The following GPC5 variants were observed in gnomAD, a reference collection of about 807,000 sequenced individuals.
GPC5 encodes the protein glypican-5.
Under a neutral mutation model 53.9 loss-of-function variants are expected in GPC5, and 47 were observed. The observed-to-expected ratio is 0.87, with a 90% CI of 0.69 to 1.11. The LOEUF (loss-of-function observed/expected upper bound fraction) is 1.11. Among genes scored for constraint, GPC5 ranks in the 50% most tolerant of loss-of-function variants. GPC5 has a pLI of 0.00. For missense variants in GPC5, 748 were observed against 713.1 expected, an observed-to-expected ratio of 1.05 and a Z score of -0.56; for synonymous variants, 286 against 263.3, an observed-to-expected ratio of 1.09 and a Z score of -0.84.
At chr13:92,565,506 A>G (rs1443612592) in intron 7 of GPC5, among the ~76,000 whole-genome samples, 3 of 152,062 alleles carry the variant, frequency 2.0e-5, no homozygotes, top group Non-Finnish European at 4.4e-5. Flanking sequence ...TTTCACTGCT[A>G]CAAAGTGTTG....
intron 6 of GPC5, among the ~76,000 whole-genome samples, chr13:91,976,238 G>A (rs556863939): frequency 3.9e-4 from 60 of 152,164 alleles, no homozygotes; most frequent in African/African-American, 1.2e-3. Context: ...TAACCTGCAC[G>A]TTGTGCACAT....
intron 7 of GPC5, among the ~76,000 whole-genome samples, chr13:92,632,483 T>TAC (rs1375505195): frequency 7.5e-6 from 1 of 133,178 alleles, no homozygotes; most frequent in African/African-American, 2.8e-5. Flanking sequence ...TATATATATA[T>TAC]ATACACATAT....
chr13:91,790,927 C>T (rs1194582236), intron 5 of GPC5, among the ~76,000 whole-genome samples: 4 of 152,104 alleles, frequency 2.6e-5, no homozygotes, highest in Non-Finnish European at 5.9e-5. Flanking sequence ...TGTTTCTCCT[C>T]ATCTTTTGGT....
intron 6 of GPC5, among the ~76,000 whole-genome samples, chr13:91,924,674 G>A (rs1366784834): frequency 2.0e-5 from 3 of 152,152 alleles, no homozygotes; most frequent in Non-Finnish European, 4.4e-5. Context: ...CTGGGAGGTT[G>A]AGGTTGTGGT....
intron 7 of GPC5, among the ~76,000 whole-genome samples, chr13:92,863,080 T>A (rs1879232694): frequency 6.6e-6 from 1 of 152,180 alleles, no homozygotes; most frequent in Non-Finnish European, 1.5e-5. Flanking sequence ...TAGCACCTAC[T>A]CAGCCATTCC....
intron 7 of GPC5, among the ~76,000 whole-genome samples, chr13:92,819,060 G>C (rs1877586063): frequency 1.3e-5 from 2 of 151,870 alleles, no homozygotes; most frequent in South Asian, 4.1e-4. Context: ...TGTTTTAAGG[G>C]TATGTTTCTT....
intron 7 of GPC5, among the ~76,000 whole-genome samples, chr13:92,358,069 G>A (rs185397240): frequency 7.2e-5 from 11 of 151,790 alleles, no homozygotes; most frequent in African/African-American, 2.4e-4. Context: ...CTGTGAGCCT[G>A]TAAAATCAAA....
At chr13:92,676,857 C>T (rs1311658579) in intron 7 of GPC5, among the ~76,000 whole-genome samples, 3 of 151,836 alleles carry the variant, frequency 2.0e-5, no homozygotes, top group Non-Finnish European at 4.4e-5. Context: ...TAATTGAGAC[C>T]AGTTGTTTGA....
intron 5 of GPC5, among the ~76,000 whole-genome samples, chr13:91,765,992 CATAA>C (rs1307625478): frequency 2.0e-5 from 3 of 152,138 alleles, no homozygotes; most frequent in African/African-American, 7.2e-5. Context: ...TTCTGTAATA[CATAA>C]ATACAAAAAT....
At chr13:91,980,096 G>GA (rs1241422396) in intron 6 of GPC5, among the ~76,000 whole-genome samples, 5 of 152,054 alleles carry the variant, frequency 3.3e-5, no homozygotes, top group Admixed American at 6.6e-5. Context: ...TGATTGGAGG[G>GA]AAAAAAAGCT....
At chr13:92,456,847 T>C (rs2139404718) in intron 7 of GPC5, among the ~76,000 whole-genome samples, 1 of 152,326 alleles carries the variant, frequency 6.6e-6, no homozygotes, top group African/African-American at 2.4e-5. Flanking sequence ...ATAATGTTTT[T>C]ATAATTTCAA....
intron 1 of GPC5, among the ~76,000 whole-genome samples, chr13:91,425,051 CTG>C: frequency 6.6e-6 from 1 of 152,062 alleles, no homozygotes; most frequent in East Asian, 1.9e-4. Context: ...TCTAAGTAGA[CTG>C]TTAATTGTTA....
intron 7 of GPC5, among the ~76,000 whole-genome samples, chr13:92,563,593 A>G (rs1209423108): frequency 1.3e-5 from 2 of 152,076 alleles, no homozygotes; most frequent in African/African-American, 4.8e-5. Flanking sequence ...TGTGCTAACA[A>G]ATATAGAAAA....
chr13:91,488,680 G>A (rs577301766), intron 2 of GPC5, among the ~76,000 whole-genome samples: 12 of 152,304 alleles, frequency 7.9e-5, no homozygotes, highest in African/African-American at 2.6e-4. Flanking sequence ...TGAGGAGGAT[G>A]TCTGTCATCT....
intron 7 of GPC5, among the ~76,000 whole-genome samples, chr13:92,793,463 CA>C (rs1876542411): frequency 6.6e-6 from 1 of 152,000 alleles, no homozygotes; most frequent in Non-Finnish European, 1.5e-5. Context: ...CCTAACATCA[CA>C]ATTAAAAGAA....
intron 7 of GPC5, among the ~76,000 whole-genome samples, chr13:92,709,952 A>T (rs1054148356): frequency 2.6e-5 from 4 of 152,202 alleles, no homozygotes; most frequent in Non-Finnish European, 5.9e-5. Context: ...ATTTCTAAGA[A>T]GACTGAATTT....
At chr13:92,037,711 C>A (rs1274590252) in intron 6 of GPC5, among the ~76,000 whole-genome samples, 1 of 152,114 alleles carries the variant, frequency 6.6e-6, no homozygotes, top group Non-Finnish European at 1.5e-5. Context: ...TATAAACCAA[C>A]TATTTAAAAG....
At chr13:91,775,898 A>G (rs2037704015) in intron 5 of GPC5, among the ~76,000 whole-genome samples, 1 of 152,204 alleles carries the variant, frequency 6.6e-6, no homozygotes, top group Non-Finnish European at 1.5e-5. Flanking sequence ...TTATGGGAAG[A>G]ATCATCCATA....
chr13:91,406,923 AT>A (rs938451838), intron 1 of GPC5, among the ~76,000 whole-genome samples: 25 of 152,132 alleles, frequency 1.6e-4, no homozygotes, highest in African/African-American at 3.6e-4. Flanking sequence ...GTCAATACTT[AT>A]TTCTAATGGA....
Sources: allele counts gnomAD v4.1 joint callset (sites outside exome capture counted in the v4.1 genomes callset), GRCh38; gene constraint gnomAD v4.1.1; transcripts MANE v1.5; gene names NCBI Gene and HGNC (gene_info 2026-07-23, HGNC 2026-07-21).